The following LYST variants were observed in gnomAD, a reference collection of about 807,000 sequenced individuals.
LYST encodes lysosomal trafficking regulator.
LYST carries 192 observed loss-of-function variants against 413.6 expected under a neutral mutation model. The observed-to-expected ratio is 0.46, with a 90% CI of 0.41 to 0.52. The LOEUF (loss-of-function observed/expected upper bound fraction) is 0.52, where lower values mean the gene tolerates loss of function less well. Ranked by LOEUF, LYST falls within the 20% of genes least tolerant of loss-of-function variation. The pLI, the probability that LYST is intolerant of heterozygous loss-of-function variation, is 0.00. For missense variants in LYST, 3,815 were observed against 4,499.9 expected, an observed-to-expected ratio of 0.85 and a Z score of 4.35; for synonymous variants, 1,525 against 1,567.3, an observed-to-expected ratio of 0.97 and a Z score of 0.64.
At chr1:235,774,052 A>G in intron 18 of LYST, 61 bp from the exon 19 acceptor site, 1 of 1,099,404 alleles carries the variant, frequency 9.1e-7, no homozygotes, top group Admixed American at 1.7e-5. Flanking sequence ...GAAGTTCAAC[A>G]GAAACATTAA....
At chr1:235,737,953 GGA>G in intron 31 of LYST, 1 of 1,258,698 alleles carries the variant, frequency 7.9e-7, no homozygotes, top group Non-Finnish European at 1.0e-6. Context: ...AACACCCGCC[GGA>G]CGTGCATTCT....
At chr1:235,780,177 G>A (rs534093693) in intron 16 of LYST, among the ~76,000 whole-genome samples, 6 of 152,124 alleles carry the variant, frequency 3.9e-5, no homozygotes, top group African/African-American at 7.2e-5. Flanking sequence ...AGGCTGAGAC[G>A]GGAAGATCGC....
intron 1 of LYST, among the ~76,000 whole-genome samples, chr1:235,836,430 C>T (rs1033910595): frequency 6.6e-6 from 1 of 152,064 alleles, no homozygotes; most frequent in Non-Finnish European, 1.5e-5. Flanking sequence ...AATGCTGTTT[C>T]AGATAGGATG....
In LYST at chr1:235,686,133, G is replaced by A. The variant is rs1485820217; in HGVS notation, c.10800+816C>T. 2.6e-5 allele frequency among the ~76,000 whole-genome samples: 4 copies of A among 152,056 alleles called. No individual in the cohort carries two copies. Among genetic ancestry groups the A allele is most frequent in the Admixed American group, 6.5e-5 (1 of 15,272 alleles). On this transcript the variant is annotated intron_variant, in intron 48 of 52. Transcript: ENST00000389793. This position sits in a 1 kb window ranked among gnomAD's most constrained non-coding sequence, Gnocchi z 4.0. ...TATAATCCCAGCACTTTGGGAGGCC[G>A]AGGTGGGAGGATCACTTGAAGCCAG... is the stretch of plus-strand genomic sequence containing the variant.
rs1312155889 is a variant in LYST, at chr1:235,677,111, A to G, written c.11018T>C (p.Ile3673Thr). The change falls in exon 50 of 53, where the codon ATT (isoleucine) becomes ACT (threonine). Residue 3673 changes from isoleucine to threonine, a missense_variant. By Grantham distance (89) the Ile-to-Thr change is moderately conservative. Coordinates refer to ENST00000389793, the MANE Select transcript of LYST (RefSeq NM_000081.4). ...CTCACCTGAATCACACACAGTAGCA[A>G]TATCACCTGAGGTTTCACTGGCAGA... ...AVSASETSGDIATVCDSAGGG... is the reference protein window; with the variant it reads ...AVSASETSGDTATVCDSAGGG... 1.2e-6 allele frequency: 2 copies of G among 1,613,928 alleles called. No homozygotes were observed. The highest frequency in any genetic ancestry group is 1.3e-5 in the African/African-American group (1 of 75,026).
In LYST at chr1:235,792,035, G is replaced by A; in HGVS notation, c.4207C>T (p.Pro1403Ser). ...GATGAAACACCGTTGCTTAAATTTGGAGCGTGCAGTAAAGGGAAGGTTAGA... is the reference window on the plus strand; with the variant it reads ...GATGAAACACCGTTGCTTAAATTTGAAGCGTGCAGTAAAGGGAAGGTTAGA... ...QYLTFPLLHA[P>S]NLSNGVSSQK... The change falls in exon 12 of 53, where the codon CCA becomes TCA. Residue 1403 changes from proline (P) to serine (S), a missense_variant. Pro to Ser is a moderately conservative substitution (Grantham distance 74). Around this residue, in one of 4 missense-constraint regions of LYST, gnomAD observed 1,648 missense variants for 1,810.3 expected, o/e 0.91. Coordinates refer to ENST00000389793, the MANE Select transcript of LYST (RefSeq NM_000081.4). 2.5e-6 allele frequency: 4 copies of A among 1,613,984 alleles called. No individual in the cohort carries two copies. The highest frequency in any genetic ancestry group is 3.4e-6 in the Non-Finnish European group (4 of 1,179,908).
intron 3 of LYST, among the ~76,000 whole-genome samples, chr1:235,816,514 T>C (rs1282969649): frequency 6.8e-6 from 1 of 147,230 alleles, no homozygotes; most frequent in Non-Finnish European, 1.5e-5. Context: ...ACAGATTCAA[T>C]GCTATTCCAA....
intron 28 of LYST, among the ~76,000 whole-genome samples, chr1:235,748,598 T>C (rs952352153): frequency 6.6e-6 from 1 of 152,164 alleles, no homozygotes; most frequent in Non-Finnish European, 1.5e-5. Flanking sequence ...TGTATAGATA[T>C]AGATATCCAG....
chr1:235,836,236 T>C (rs1455784053), intron 1 of LYST, among the ~76,000 whole-genome samples: 1 of 152,230 alleles, frequency 6.6e-6, no homozygotes, highest in East Asian at 1.9e-4. Context: ...ATTCAACAAA[T>C]GTTATTGAAC....
rs1313192887 is a variant in LYST, at chr1:235,731,078, T to C, written c.8901A>G (p.Leu2967=). 6.2e-7 allele frequency: 1 copy of C among 1,613,620 alleles called. No homozygotes were observed. The highest frequency in any genetic ancestry group is 1.3e-5 in the African/African-American group (1 of 75,040). Residue 2967 remains leucine (L), a synonymous_variant, in exon 35 of 53, where the codon TTA becomes TTG. Transcript: ENST00000389793. ...TAAGGAGATACTTATTTGGAATAGT[T>C]AAATAACATCTCTGTAAACGTCTCC... ...RERRRLQRCY[L]TIPNKYLLRD... is the part of the protein sequence containing the mutation.
In LYST at chr1:235,733,493, C is replaced by T. The variant is rs756346865; in HGVS notation, c.8801+10G>A. The T allele has an allele frequency of 1.4e-5, 23 of 1,612,208 alleles. No individual in the cohort carries two copies. Among genetic ancestry groups the T allele is most frequent in the East Asian group, 1.1e-4 (5 of 44,852 alleles). On this transcript the variant is annotated intron_variant, in intron 34 of 52. Coordinates refer to ENST00000389793, the MANE Select transcript of LYST (RefSeq NM_000081.4). ...TGGAAGACAATTTTAACTGACCTCC[C>T]GCAGCTTACCTATCATGTGTCAGCT...
At chr1:235,665,002 T>TACTAGGG (rs1658310809) in intron 50 of LYST, among the ~76,000 whole-genome samples, 1 of 152,048 alleles carries the variant, frequency 6.6e-6, no homozygotes, top group Admixed American at 6.5e-5. Flanking sequence ...CCATGTTGGC[T>TACTAGGG]AGGCTAGTCT....
At chr1:235,725,592 G>C (rs1035076821) in intron 38 of LYST, among the ~76,000 whole-genome samples, 1 of 152,162 alleles carries the variant, frequency 6.6e-6, no homozygotes, top group African/African-American at 2.4e-5. Flanking sequence ...ATCCATGTCT[G>C]GATGGCCTGG....
At chr1:235,860,438 G>A (rs970413097) in intron 1 of LYST, among the ~76,000 whole-genome samples, 2 of 152,148 alleles carry the variant, frequency 1.3e-5, no homozygotes, top group African/African-American at 4.8e-5. Context: ...ATAACATGTA[G>A]CTACCACTGT....
Position 235,806,654 on chromosome 1 carries a change from C to T in LYST, c.2482G>A (p.Gly828Arg), listed in dbSNP as rs1672871558. 1.2e-6 allele frequency: 2 copies of T among 1,613,788 alleles called. No individual in the cohort carries two copies. ...KAFETLIISL[G>R]EQQKDASVPD... ...ACTGAGGCATCTTTCTGTTGCTCCC[C>T]TAGGCTGATTATCAGAGTTTCAAAT... The change falls in exon 6 of 53, where the codon GGG becomes AGG. Residue 828 changes from glycine (G) to arginine (R), a missense_variant. Around this residue, in one of 4 missense-constraint regions of LYST, gnomAD observed 1,648 missense variants for 1,810.3 expected, o/e 0.91. Transcript: ENST00000389793.
chr1:235,751,649 T>C lies in LYST; in HGVS notation c.7628-287A>G, dbSNP rs1666511238. Among the ~76,000 whole-genome samples the C allele has an allele frequency of 3.9e-5, 6 of 152,224 alleles. 1 individual carries two copies. In the South Asian group the frequency reaches 8.3e-4, roughly 21 times the overall value. On this transcript the variant is annotated intron_variant, in intron 27 of 52. Coordinates refer to ENST00000389793, the MANE Select transcript of LYST (RefSeq NM_000081.4). ...GCTTTTTTTCTATATAAGGCAAAAG[T>C]TTAACCGGCAATTATCATATTTTTT...
intron 50 of LYST, among the ~76,000 whole-genome samples, chr1:235,673,298 A>T (rs1659106623): frequency 6.6e-6 from 1 of 151,966 alleles, no homozygotes; most frequent in African/African-American, 2.4e-5. Flanking sequence ...TCACCCCAAA[A>T]TATTACTTTT....
chr1:235,823,578 A>G (rs1241470601), intron 3 of LYST, among the ~76,000 whole-genome samples: 1 of 152,244 alleles, frequency 6.6e-6, no homozygotes, highest in Non-Finnish European at 1.5e-5. Flanking sequence ...TTGCCATGTC[A>G]TGGCCTCTGC....
At position 235,801,021 on chromosome 1, in the gene LYST, T is replaced by C; in HGVS notation, c.3789A>G (p.Gln1263=). 1.9e-6 allele frequency: 3 copies of C among 1,613,736 alleles called. No homozygotes were observed. Among genetic ancestry groups the C allele is most frequent in the Non-Finnish European group, 2.5e-6 (3 of 1,179,778 alleles). ...SPNDLLENLT[Q]GEIIYPEICM... ...AAATCTCAGGATAAATTATTTCCCC[T>C]TGAGTGAGGTTTTCGAGTAAGTCAT... The change falls in exon 9 of 53, where the codon CAA becomes CAG. Residue 1263 remains glutamine, a synonymous_variant. Coordinates refer to ENST00000389793, the MANE Select transcript of LYST (RefSeq NM_000081.4).
Sources: gnomAD v4.1 joint callset for allele counts (sites outside exome capture counted in the v4.1 genomes callset) on GRCh38, gnomAD v4.1.1 for gene constraint, gnomAD v4.1.1 regional missense constraint, Gnocchi (gnomAD v3.1) non-coding constraint, MANE v1.5 for transcripts, NCBI Gene and HGNC (gene_info 2026-07-23, HGNC 2026-07-21) for gene names.